Variants in SLC5A9 observed in about 807,000 individuals in gnomAD.
SLC5A9 encodes sodium/glucose cotransporter 4.
Under a neutral mutation model 70.9 loss-of-function variants are expected in SLC5A9, and 59 were observed. That is an observed-to-expected ratio of 0.83 (90% CI 0.68 to 1.03). The LOEUF is 1.03. SLC5A9 is among the 50% of genes least tolerant of loss of function. The probability of loss-of-function intolerance (pLI) is 0.00; values close to 1 mark genes in which losing one functional copy is unlikely to be tolerated. For synonymous variants in SLC5A9, 340 were observed against 346.5 expected (o/e 0.98, Z 0.21); for missense variants, 832 against 881.1 (o/e 0.94, Z 0.71).
Position 48,242,358 on chromosome 1 carries a change from T to C in SLC5A9, c.1678-99T>C, listed in dbSNP as rs912951518. 21 of 1,405,248 alleles carry C rather than the reference T, an allele frequency of 1.5e-5. No homozygotes were observed. In the African/African-American group the frequency reaches 2.4e-4, roughly 16 times the overall value. The allele number at this position is 1,405,248 out of a possible 1,614,324, so 87.0% of individuals were successfully genotyped here. A position where few individuals can be genotyped will look rare whatever the true frequency, so the allele number is the denominator to read the frequency against. ...GCCCTGGCCTTGTTCTTTGTACTCT[T>C]TGCTTTTGCTCAGATGGCCTTCCAT... On this transcript the variant is annotated intron_variant, in intron 12 of 13. Transcript: ENST00000438567.
intron 1 of SLC5A9, 145 bp downstream of exon 1, chr1:48,223,043 AG>A: frequency 1.2e-6 from 1 of 852,102 alleles, no homozygotes; most frequent in South Asian, 1.7e-5. Flanking sequence ...TTCAGGAATC[AG>A]GCTCCTGATC....
chr1:48,244,878 G>GTGTGTATATATATATATATA (rs1391896495), intron 13 of SLC5A9, among the ~76,000 whole-genome samples: 1,286 of 29,396 alleles, frequency 0.044, 398 homozygotes, highest in Non-Finnish European at 0.08. Flanking sequence ...ATGTGTATGT[G>GTGTGTATATATATATATATA]TATATATATA....
chr1:48,237,730 C>T lies in SLC5A9; in HGVS notation c.1344C>T (p.Ile448=). The change falls in exon 11 of 14, where the codon ATC becomes ATT. Residue 448 remains isoleucine (I), a synonymous_variant. Coordinates refer to ENST00000438567, the MANE Select transcript of SLC5A9 (RefSeq NM_001011547.3). ...VVISILWIPI[I]QSSNSGQLFD... is the part of the protein sequence containing the mutation. ...TCAGCATCCTCTGGATCCCCATCAT[C>T]CAAAGCTCCAACAGTGGGCAGCTCT... The T allele has an allele frequency of 2.5e-6, 4 of 1,614,102 alleles. No individual in the cohort carries two copies. In the East Asian group the frequency reaches 6.7e-5, roughly 27 times the overall value.
At chr1:48,228,168 C>T (rs1325016682) in intron 2 of SLC5A9, 1 of 152,286 alleles carries the variant, frequency 6.6e-6, no homozygotes, top group Non-Finnish European at 1.5e-5. Context: ...AGTTCTGAGA[C>T]TTGGGCAAGT....
At chr1:48,243,969 A>G (rs910081246) in intron 13 of SLC5A9, among the ~76,000 whole-genome samples, 2 of 152,250 alleles carry the variant, frequency 1.3e-5, no homozygotes, top group Non-Finnish European at 2.9e-5. Context: ...GCAAACAGGT[A>G]GTGCAAAGAT....
At chr1:48,229,537 T>C in intron 4 of SLC5A9, 78 bp downstream of exon 4, 1 of 1,569,338 alleles carries the variant, frequency 6.4e-7, no homozygotes, top group East Asian at 2.3e-5. Context: ...CATGTGCGTG[T>C]TGCTGAGGGG....
intron 2 of SLC5A9, among the ~76,000 whole-genome samples, chr1:48,227,707 G>A (rs1002585434): frequency 4.3e-4 from 65 of 152,172 alleles, no homozygotes; most frequent in African/African-American, 1.5e-3. Flanking sequence ...GCTAGCACCA[G>A]GGCCTCAGCA....
intron 10 of SLC5A9, among the ~76,000 whole-genome samples, chr1:48,236,222 C>T (rs4926518): frequency 0.73 from 111,768 of 152,098 alleles, 42,776 homozygotes; most frequent in East Asian, 0.99. Context: ...CAACCAACTC[C>T]GGATGTTAAG....
chr1:48,232,908 G>A (rs1296379781), intron 8 of SLC5A9, among the ~76,000 whole-genome samples: 1 of 125,750 alleles, frequency 8.0e-6, no homozygotes, highest in Non-Finnish European at 1.7e-5. Flanking sequence ...GAAGGAAGGA[G>A]AAGAAAGGAA....
At chr1:48,236,007 G>A (rs1460221847) in intron 10 of SLC5A9, 128 bp downstream of exon 10, 3 of 1,036,326 alleles carry the variant, frequency 2.9e-6, no homozygotes, top group African/African-American at 3.1e-5. Flanking sequence ...TCAAGCTCCA[G>A]CTCTCCACAT....
chr1:48,224,848 C>T lies in SLC5A9; in HGVS notation c.234+53C>T, dbSNP rs941131660. On this transcript the variant is annotated intron_variant, in intron 2 of 13. Transcript: ENST00000438567. ...AGTGCAGAGGCTCCCAACTTTCTTC[C>T]TCCCCACTATCCAAGCACTTGTCCC... The T allele has an allele frequency of 5.9e-6, 9 of 1,518,830 alleles. No homozygotes were observed. The Admixed American group carries it at 1.5e-4, about 25-fold the overall frequency. The allele number at this position is 1,518,830 out of a possible 1,614,324, so 94.1% of individuals were successfully genotyped here.
At chr1:48,222,960 G>A in intron 1 of SLC5A9, 62 bp downstream of exon 1, 3 of 1,572,342 alleles carry the variant, frequency 1.9e-6, no homozygotes, top group Admixed American at 1.7e-5. Context: ...AGCTTGGGTG[G>A]GGCTGTGGAG....
intron 8 of SLC5A9, among the ~76,000 whole-genome samples, chr1:48,232,762 G>A (rs1644268427): frequency 6.6e-6 from 1 of 151,390 alleles, no homozygotes; most frequent in Admixed American, 6.6e-5. Flanking sequence ...TTCCAGTTTG[G>A]GAGACAGAGC....
chr1:48,226,498 A>G lies in SLC5A9; in HGVS notation c.234+1703A>G, dbSNP rs541232296. Among the ~76,000 whole-genome samples, 13 of 152,278 alleles carry G rather than the reference A, an allele frequency of 8.5e-5. No homozygotes were observed. In the South Asian group the frequency reaches 2.7e-3, roughly 32 times the overall value. Reference sequence around the variant, plus strand: ...CCATCCTCTGGTGGGCCAGGCTGTGAGCTGTGCCTCCTGCACCTGAGACCT... The same window carrying G: ...CCATCCTCTGGTGGGCCAGGCTGTGGGCTGTGCCTCCTGCACCTGAGACCT... On this transcript the variant is annotated intron_variant, in intron 2 of 13. Transcript: ENST00000438567.
chr1:48,226,427 C>A (rs1219427351), intron 2 of SLC5A9, among the ~76,000 whole-genome samples: 1 of 152,016 alleles, frequency 6.6e-6, no homozygotes. Flanking sequence ...CCCACTGCGC[C>A]CCAAACACAG....
At chr1:48,223,635 T>G (rs1224448489) in intron 1 of SLC5A9, among the ~76,000 whole-genome samples, 3 of 152,132 alleles carry the variant, frequency 2.0e-5, no homozygotes, top group Admixed American at 1.3e-4. Context: ...TCCACAGAAG[T>G]GTGAGCACCT....
intron 8 of SLC5A9, among the ~76,000 whole-genome samples, chr1:48,232,715 G>A (rs937057660): frequency 6.6e-6 from 1 of 152,036 alleles, no homozygotes; most frequent in African/African-American, 2.4e-5. Context: ...GAGTCCAGGA[G>A]GTTGAGGCTG....
chr1:48,228,876 T>G lies in SLC5A9; in HGVS notation c.261T>G (p.Asn87Lys). The G allele has an allele frequency of 1.2e-6, 2 of 1,613,828 alleles. No individual in the cohort carries two copies. Among genetic ancestry groups the G allele is most frequent in the South Asian group, 2.2e-5 (2 of 91,074 alleles). Residue 87 changes from asparagine (N) to lysine (K), a missense_variant, in exon 3 of 14, where the codon AAT becomes AAG. Asn to Lys is a moderately conservative substitution (Grantham distance 94, BLOSUM62 0). Coordinates refer to ENST00000438567, the MANE Select transcript of SLC5A9 (RefSeq NM_001011547.3). ...WPIGASLMSS[N>K]VGSGLFIGLA... is the part of the protein sequence containing the mutation. Reference sequence around the variant, plus strand: ...TTGGAGCATCTCTGATGTCCAGCAATGTGGGCAGTGGCTTGTTCATCGGCC... The same window carrying G: ...TTGGAGCATCTCTGATGTCCAGCAAGGTGGGCAGTGGCTTGTTCATCGGCC...
At chr1:48,229,532 G>A (rs1046751176) in intron 4 of SLC5A9, 73 bp downstream of exon 4, 3 of 1,573,832 alleles carry the variant, frequency 1.9e-6, no homozygotes, top group African/African-American at 2.7e-5. Flanking sequence ...ATCACCATGT[G>A]CGTGTTGCTG....
Sources: allele counts gnomAD v4.1 joint callset (sites outside exome capture counted in the v4.1 genomes callset), GRCh38; gene constraint gnomAD v4.1.1; transcripts MANE v1.5; gene names NCBI Gene and HGNC (gene_info 2026-07-23, HGNC 2026-07-21).